WWOX: variants seen among roughly 807,000 people sequenced by gnomAD.
WWOX encodes WW domain containing oxidoreductase.
In WWOX, 69 loss-of-function variants were observed where a neutral mutation model predicts 46.2. The observed-to-expected ratio is 1.49, with a 90% CI of 1.23 to 1.82. The LOEUF is 1.82. Ranked by LOEUF, WWOX falls within the 40% of genes most tolerant of loss-of-function variation. The probability of loss-of-function intolerance (pLI) is 0.00; values close to 1 mark genes in which losing one functional copy is unlikely to be tolerated. For synonymous variants in WWOX, 359 were observed against 202.6 expected (o/e 1.77, Z -6.56); for missense variants, 919 against 542.6 (o/e 1.69, Z -6.89).
intron 8 of WWOX, among the ~76,000 whole-genome samples, chr16:79,006,349 G>T (rs2047190643): frequency 6.6e-6 from 1 of 152,280 alleles, no homozygotes; most frequent in Non-Finnish European, 1.5e-5. Flanking sequence ...CAGCAGGTTA[G>T]AGTGTCTGCA....
chr16:78,972,459 C>A (rs557272180), intron 8 of WWOX, among the ~76,000 whole-genome samples: 1 of 115,130 alleles, frequency 8.7e-6, no homozygotes, highest in African/African-American at 3.6e-5. Context: ...AGGAAGTCAG[C>A]AAGCAGGGGT....
intron 8 of WWOX, among the ~76,000 whole-genome samples, chr16:79,035,599 G>C (rs897109969): frequency 6.6e-6 from 1 of 152,154 alleles, no homozygotes; most frequent in Non-Finnish European, 1.5e-5. Context: ...AGTGTGGTAG[G>C]TGGGATCTTG....
At chr16:78,230,441 G>A (rs556568043) in intron 5 of WWOX, among the ~76,000 whole-genome samples, 12 of 152,292 alleles carry the variant, frequency 7.9e-5, no homozygotes, top group Admixed American at 2.0e-4. Context: ...CAGCCAGCCT[G>A]GGAAAGCAAT....
chr16:78,723,065 G>A (rs745631837), intron 8 of WWOX, among the ~76,000 whole-genome samples: 1 of 152,034 alleles, frequency 6.6e-6, no homozygotes, highest in Non-Finnish European at 1.5e-5. Flanking sequence ...ATGTGAGGAA[G>A]CCAGGAATGA....
At chr16:78,836,320 A>G (rs977528547) in intron 8 of WWOX, among the ~76,000 whole-genome samples, 1 of 152,072 alleles carries the variant, frequency 6.6e-6, no homozygotes, top group Admixed American at 6.6e-5. Flanking sequence ...AGGAGGTAAA[A>G]CCTTATGCTC....
chr16:78,938,940 A>C (rs1411909623), intron 8 of WWOX, among the ~76,000 whole-genome samples: 1 of 152,214 alleles, frequency 6.6e-6, no homozygotes, highest in Non-Finnish European at 1.5e-5. Flanking sequence ...GCTTAGCACA[A>C]CTGAAAAATA....
chr16:78,855,828 G>T (rs2052553234), intron 8 of WWOX, among the ~76,000 whole-genome samples: 1 of 152,144 alleles, frequency 6.6e-6, no homozygotes, highest in South Asian at 2.1e-4. Context: ...CTTCCACCTT[G>T]GGTCTGTCAG....
intron 8 of WWOX, among the ~76,000 whole-genome samples, chr16:79,151,141 A>G (rs545544656): frequency 7.2e-5 from 11 of 152,214 alleles, no homozygotes; most frequent in Admixed American, 7.2e-4. Context: ...TCCCCAGAAA[A>G]TTCCCCTCCT....
intron 8 of WWOX, chr16:79,205,131 G>A (rs2051466118): frequency 1.3e-5 from 2 of 152,320 alleles, no homozygotes; most frequent in East Asian, 3.9e-4. Flanking sequence ...GTGAGCACGT[G>A]CCTGTCATTT....
chr16:78,547,461 C>G (rs1025731223), intron 8 of WWOX, among the ~76,000 whole-genome samples: 2 of 152,136 alleles, frequency 1.3e-5, no homozygotes, highest in African/African-American at 4.8e-5. Context: ...CTGGCATTTG[C>G]CTAGTGTTGA....
intron 8 of WWOX, among the ~76,000 whole-genome samples, chr16:78,831,898 G>A (rs530622451): frequency 1.1e-4 from 16 of 152,146 alleles, no homozygotes; most frequent in Non-Finnish European, 2.2e-4. Flanking sequence ...TGGTGATCTC[G>A]TCGTAATTTT....
chr16:78,610,965 TAAAAACAAC>T (rs949471094), intron 8 of WWOX, among the ~76,000 whole-genome samples: 11 of 152,094 alleles, frequency 7.2e-5, no homozygotes, highest in African/African-American at 1.4e-4. Flanking sequence ...TTCTTAACAT[TAAAAACAAC>T]AAAAACAACA....
chr16:78,346,209 A>C (rs1354657739), intron 5 of WWOX, among the ~76,000 whole-genome samples: 1 of 121,462 alleles, frequency 8.2e-6, no homozygotes, highest in East Asian at 1.9e-4. Context: ...TCAGTGGCTT[A>C]CTCATTGTCA....
intron 8 of WWOX, among the ~76,000 whole-genome samples, chr16:79,082,161 T>G (rs1307270142): frequency 1.3e-5 from 2 of 152,202 alleles, no homozygotes; most frequent in Non-Finnish European, 2.9e-5. Flanking sequence ...CGGGAGAGGT[T>G]GTAACAAATC....
At chr16:78,867,326 A>T (rs139297492) in intron 8 of WWOX, among the ~76,000 whole-genome samples, 1 of 152,304 alleles carries the variant, frequency 6.6e-6, no homozygotes, top group Admixed American at 6.5e-5. Flanking sequence ...TATTTTATGT[A>T]CATATTTATC....
intron 8 of WWOX, among the ~76,000 whole-genome samples, chr16:78,998,248 C>G (rs1323214732): frequency 6.6e-6 from 1 of 152,172 alleles, no homozygotes; most frequent in Non-Finnish European, 1.5e-5. Context: ...TGCTGGGACC[C>G]AGGACATGTT....
At chr16:78,702,956 A>G (rs949761245) in intron 8 of WWOX, among the ~76,000 whole-genome samples, 2 of 152,216 alleles carry the variant, frequency 1.3e-5, no homozygotes, top group Admixed American at 6.5e-5. Context: ...CAGAACTCCC[A>G]CACTTGCTCT....
intron 8 of WWOX, among the ~76,000 whole-genome samples, chr16:78,668,045 G>A (rs1429017532): frequency 6.6e-6 from 1 of 152,112 alleles, no homozygotes; most frequent in Non-Finnish European, 1.5e-5. Context: ...TTGAGAGGCC[G>A]AGGCGGGTGG....
intron 8 of WWOX, among the ~76,000 whole-genome samples, chr16:78,632,482 C>T (rs1441165540): frequency 5.3e-5 from 8 of 149,722 alleles, no homozygotes; most frequent in South Asian, 2.1e-4. Flanking sequence ...GTGGGAGAAA[C>T]GAGCAAGGTG....
Sources: allele counts gnomAD v4.1 joint callset (sites outside exome capture counted in the v4.1 genomes callset), GRCh38; gene constraint gnomAD v4.1.1; transcripts MANE v1.5; gene names NCBI Gene and HGNC (gene_info 2026-07-23, HGNC 2026-07-21).